IL21R: variants seen among roughly 807,000 people sequenced by gnomAD.
IL21R encodes the protein interleukin 21 receptor, also known as interleukin-21 receptor.
IL21R carries 14 observed loss-of-function variants against 41.3 expected under a neutral mutation model. That is an observed-to-expected ratio of 0.34 (90% confidence interval 0.22 to 0.53). The LOEUF (loss-of-function observed/expected upper bound fraction) is 0.53. Among genes scored for constraint, IL21R ranks in the 20% least tolerant of loss-of-function variants. The pLI is 0.94. For missense variants in IL21R, 588 were observed against 681.6 expected (o/e 0.86, Z 1.53); for synonymous variants, 286 against 287.6 (o/e 0.99, Z 0.05).
intron 1 of IL21R, among the ~76,000 whole-genome samples, chr16:27,414,281 C>T (rs1392490017): frequency 6.6e-6 from 1 of 151,338 alleles, no homozygotes; most frequent in Non-Finnish European, 1.5e-5. Context: ...ATTAAATGTG[C>T]TTTCTGAACT....
chr16:27,427,032 A>T (rs1446632922), intron 1 of IL21R, among the ~76,000 whole-genome samples: 1 of 152,096 alleles, frequency 6.6e-6, no homozygotes. Flanking sequence ...TGTCTCTAAG[A>T]GGTGACAAAG....
intron 4 of IL21R, 123 bp downstream of exon 4, chr16:27,437,810 A>G: frequency 1.4e-6 from 1 of 705,746 alleles, no homozygotes; most frequent in Middle Eastern, 3.7e-4. Flanking sequence ...CAACAGGTGT[A>G]CACCACTACA....
At chr16:27,448,496 C>A in intron 8 of IL21R, 38 bp from the exon 9 acceptor site, 1 of 1,548,100 alleles carries the variant, frequency 6.5e-7, no homozygotes. Flanking sequence ...ACCTTACCCT[C>A]ATCCTGTGCT....
rs1333464166 is a variant in IL21R at position 27,440,244 on chromosome 16, TATATAG to T, written c.352+2559_352+2564del. 8.4e-3 allele frequency among the ~76,000 whole-genome samples: 693 copies of T among 82,528 alleles called. 4 individuals are homozygous for T. The highest frequency in any genetic ancestry group is 0.016 in the South Asian group (47 of 2,994). The allele number at this position is 82,528 out of a possible 152,430, so 54.1% of individuals were successfully genotyped here. On this transcript the variant is annotated intron_variant, in intron 4 of 8. Transcript: ENST00000337929. Reference sequence around the variant, plus strand: ...ACAAATATATATATATATATATATATATATAGAGAGAGAGAGAGAGAGAGAGAGAGA... The same window carrying T: ...ACAAATATATATATATATATATATATAGAGAGAGAGAGAGAGAGAGAGAGA...
chr16:27,434,360 C>A lies in IL21R; in HGVS notation c.63C>A (p.Pro21=). The part of the protein sequence containing the change: ...LLLLQGGWGC[P]DLVCYTDYLQ... ...CTGACCCTCCAGGCTGGGGCTGCCC[C>A]GACCTCGTCTGCTACACCGATTACC... Residue 21 remains proline (P), a synonymous_variant, in exon 3 of 9, where the codon CCC becomes CCA. Transcript: ENST00000337929. 1 of 1,613,476 alleles carries A rather than the reference C, an allele frequency of 6.2e-7. No individual in the cohort carries two copies. The highest frequency in any genetic ancestry group is 8.5e-7 in the Non-Finnish European group (1 of 1,179,672).
intron 2 of IL21R, among the ~76,000 whole-genome samples, chr16:27,433,292 C>G (rs2087206931): frequency 6.6e-6 from 1 of 152,066 alleles, no homozygotes; most frequent in African/African-American, 2.4e-5. Flanking sequence ...CATGGTGAAA[C>G]CCTGTCTCTA....
At chr16:27,426,605 A>G (rs920681406) in intron 1 of IL21R, among the ~76,000 whole-genome samples, 2 of 152,272 alleles carry the variant, frequency 1.3e-5, no homozygotes, top group Non-Finnish European at 2.9e-5. Context: ...GCAGTCAGCC[A>G]GTAATGGCAG....
Position 27,449,415 on chromosome 16 carries a change from A to G in IL21R, c.*132A>G. 2.3e-6 allele frequency: 2 copies of G among 866,578 alleles called. No homozygotes were observed. Among genetic ancestry groups the G allele is most frequent in the Non-Finnish European group, 3.5e-6 (2 of 577,312 alleles). The allele number at this position is 866,578 out of a possible 1,614,324, so 53.7% of individuals were successfully genotyped here. On this transcript the variant is annotated 3_prime_UTR_variant, in exon 9 of 9. Coordinates refer to ENST00000337929, the MANE Select transcript of IL21R (RefSeq NM_181078.3). ...ATGGGCCTTTGAGCCTGATGTTTAC[A>G]GTGTCTGTGTGTGTGTGTGCATATG...
chr16:27,423,474 C>T (rs1336503003), intron 1 of IL21R, among the ~76,000 whole-genome samples: 1 of 152,196 alleles, frequency 6.6e-6, no homozygotes, highest in African/African-American at 2.4e-5. Flanking sequence ...TCCTCCTTCT[C>T]ACACCCCCTC....
chr16:27,410,378 C>T (rs772639341), intron 1 of IL21R, among the ~76,000 whole-genome samples: 4 of 151,022 alleles, frequency 2.6e-5, no homozygotes, highest in Admixed American at 6.6e-5. Context: ...GATTTCTTCT[C>T]GGATATTTGA....
rs1023231626 is a variant in IL21R, at chr16:27,449,422, GTGTGTGTGTGTGCATA to G, written c.*158_*173del. The G allele has an allele frequency of 2.5e-5, 18 of 708,864 alleles. No homozygotes were observed. The Admixed American group carries it at 2.8e-4, about 11-fold the overall frequency. 43.9% of individuals were successfully genotyped at this position (708,864 alleles called of 1,614,324 possible). The stretch of plus-strand genomic sequence containing the variant: ...TTTGAGCCTGATGTTTACAGTGTCT[GTGTGTGTGTGTGCATA>G]TGTGTGTGTGTGCATATGCATGTGT... On this transcript the variant is annotated 3_prime_UTR_variant, in exon 9 of 9. Coordinates refer to ENST00000337929, the MANE Select transcript of IL21R (RefSeq NM_181078.3).
At position 27,449,433 on chromosome 16, in the gene IL21R, T is replaced by G; in HGVS notation, c.*150T>G. The G allele has an allele frequency of 1.4e-6, 1 of 729,712 alleles. No homozygotes were observed. The highest frequency in any genetic ancestry group is 2.2e-6 in the Non-Finnish European group (1 of 456,616). 45.2% of individuals were successfully genotyped at this position (729,712 alleles called of 1,614,324 possible). A position where few individuals can be genotyped will look rare whatever the true frequency, so the allele number is the denominator to read the frequency against. ...TGTTTACAGTGTCTGTGTGTGTGTG[T>G]GCATATGTGTGTGTGTGCATATGCA... On this transcript the variant is annotated 3_prime_UTR_variant, in exon 9 of 9. Transcript: ENST00000337929.
chr16:27,414,388 A>G (rs992552195), intron 1 of IL21R, among the ~76,000 whole-genome samples: 2 of 152,144 alleles, frequency 1.3e-5, no homozygotes, highest in Admixed American at 1.3e-4. Context: ...TTCCTGAAAT[A>G]AACCAATGTG....
chr16:27,442,106 A>G (rs1221956685), intron 4 of IL21R, among the ~76,000 whole-genome samples: 1 of 152,222 alleles, frequency 6.6e-6, no homozygotes, highest in Non-Finnish European at 1.5e-5. Flanking sequence ...CCTTCAGTGC[A>G]TAGAAAGCAG....
At chr16:27,429,975 C>A in intron 1 of IL21R, 81 bp from the exon 2 acceptor site, 1 of 1,238,532 alleles carries the variant, frequency 8.1e-7, no homozygotes, top group Non-Finnish European at 1.1e-6. Context: ...GGCAAGTCTG[C>A]CTGGGAAGAG....
Position 27,449,889 on chromosome 16 carries a change from G to C in IL21R, c.*606G>C. On this transcript the variant is annotated 3_prime_UTR_variant, in exon 9 of 9. Coordinates refer to ENST00000337929, the MANE Select transcript of IL21R (RefSeq NM_181078.3). ...ATTTTTTGGGCGGCCCCTGGACGAA[G>C]GTCTGAATCCCGACTCTGATACCTT... is the stretch of plus-strand genomic sequence containing the variant. The C allele has an allele frequency of 4.3e-6, 1 of 233,994 alleles. No individual in the cohort carries two copies. Among genetic ancestry groups the C allele is most frequent in the Non-Finnish European group, 8.4e-6 (1 of 118,582 alleles). The allele number at this position is 233,994 out of a possible 1,614,324, so 14.5% of individuals were successfully genotyped here.
chr16:27,448,394 G>A (rs1217425776), intron 8 of IL21R, 140 bp from the exon 9 acceptor site: 5 of 844,920 alleles, frequency 5.9e-6, no homozygotes, highest in African/African-American at 1.7e-5. Flanking sequence ...GGCAGAGGTT[G>A]CAGTGAACCG....
At chr16:27,444,863 G>A in intron 6 of IL21R, 144 bp downstream of exon 6, 1 of 805,542 alleles carries the variant, frequency 1.2e-6, no homozygotes, top group Non-Finnish European at 1.9e-6. Flanking sequence ...TACATTTCTA[G>A]AGCCCCTGCT....
chr16:27,422,191 T>C (rs2087010094), intron 1 of IL21R, among the ~76,000 whole-genome samples: 1 of 152,124 alleles, frequency 6.6e-6, no homozygotes, highest in Non-Finnish European at 1.5e-5. Context: ...GAAGTGTCTT[T>C]TTTTTCTGCA....
Sources: gnomAD v4.1 joint callset for allele counts (sites outside exome capture counted in the v4.1 genomes callset) on GRCh38, gnomAD v4.1.1 for gene constraint, MANE v1.5 for transcripts, NCBI Gene and HGNC (gene_info 2026-07-23, HGNC 2026-07-21) for gene names.